The following MEF2C variants were observed in gnomAD, a reference collection of about 807,000 sequenced individuals.
The protein encoded by MEF2C is myocyte-specific enhancer factor 2C.
MEF2C carries 6 observed loss-of-function variants against 50.5 expected under a neutral mutation model. That is an observed-to-expected ratio of 0.12 (90% CI 0.07 to 0.23). MEF2C has a LOEUF of 0.23. Ranked by LOEUF, MEF2C falls within the 10% of genes least tolerant of loss-of-function variation. The probability of loss-of-function intolerance (pLI) is 1.00; values close to 1 mark genes in which losing one functional copy is unlikely to be tolerated. For synonymous variants in MEF2C, 183 were observed against 228.0 expected, an observed-to-expected ratio of 0.80 and a Z score of 1.78; for missense variants, 276 against 605.0, an observed-to-expected ratio of 0.46 and a Z score of 5.70.
intron 6 of MEF2C, chr5:88,741,646 T>C (rs982035273): frequency 5.1e-6 from 5 of 976,050 alleles, no homozygotes; most frequent in East Asian, 1.1e-4. Context: ...TAGTTTTCTC[T>C]TACTACTATA....
At chr5:88,799,038 C>A (rs1432683504) in intron 3 of MEF2C, among the ~76,000 whole-genome samples, 2 of 152,170 alleles carry the variant, frequency 1.3e-5, no homozygotes, top group Non-Finnish European at 1.5e-5. Flanking sequence ...GTGGCACCCA[C>A]CAGTTGCCAG....
chr5:88,876,210 TA>T (rs1003151523), intron 1 of MEF2C, among the ~76,000 whole-genome samples: 3 of 151,722 alleles, frequency 2.0e-5, no homozygotes, highest in African/African-American at 7.3e-5. Context: ...TGTTCAGATA[TA>T]AAAAATGTGG....
At chr5:88,875,596 G>A (rs1162798570) in intron 1 of MEF2C, among the ~76,000 whole-genome samples, 1 of 151,926 alleles carries the variant, frequency 6.6e-6, no homozygotes, top group Non-Finnish European at 1.5e-5. Flanking sequence ...ATTGTTTTAT[G>A]TATTCTAAAC....
At chr5:88,740,321 CT>C (rs879754429) in intron 6 of MEF2C, 290 of 984,572 alleles carry the variant, frequency 2.9e-4, no homozygotes, top group Admixed American at 1.2e-3. Context: ...ACAGCACATA[CT>C]GTGTAAGCTC....
chr5:88,781,560 G>A (rs1297413265), intron 3 of MEF2C, among the ~76,000 whole-genome samples: 1 of 152,208 alleles, frequency 6.6e-6, no homozygotes, highest in Non-Finnish European at 1.5e-5. Flanking sequence ...GCACCACACT[G>A]TCTTTTTTAT....
At chr5:88,846,167 A>T (rs1819272968) in intron 1 of MEF2C, among the ~76,000 whole-genome samples, 1 of 150,680 alleles carries the variant, frequency 6.6e-6, no homozygotes, top group Non-Finnish European at 1.5e-5. Context: ...TCCCGGGTTC[A>T]TGCGATTCTC....
At chr5:88,891,705 C>T (rs1025837507) in intron 1 of MEF2C, among the ~76,000 whole-genome samples, 2 of 152,018 alleles carry the variant, frequency 1.3e-5, no homozygotes, top group African/African-American at 4.8e-5. Flanking sequence ...CCACTGCACC[C>T]GGCCCAAACA....
chr5:88,855,554 A>G (rs771243959), intron 1 of MEF2C, among the ~76,000 whole-genome samples: 3 of 152,116 alleles, frequency 2.0e-5, no homozygotes, highest in Non-Finnish European at 2.9e-5. Context: ...CCCAAATCTC[A>G]TCTTGAATTG....
chr5:88,821,270 G>A (rs1808216852), intron 2 of MEF2C, among the ~76,000 whole-genome samples: 1 of 151,662 alleles, frequency 6.6e-6, no homozygotes, highest in Non-Finnish European at 1.5e-5. Flanking sequence ...TTGTTTGTTT[G>A]TTTTTTGTTT....
At chr5:88,765,455 T>C (rs1358177197) in intron 3 of MEF2C, among the ~76,000 whole-genome samples, 1 of 152,256 alleles carries the variant, frequency 6.6e-6, no homozygotes, top group Non-Finnish European at 1.5e-5. Context: ...TTTATCTTTA[T>C]TATATTAAAA....
intron 6 of MEF2C, chr5:88,740,298 G>A (rs1766038439): frequency 1.0e-6 from 1 of 984,460 alleles, no homozygotes; most frequent in Non-Finnish European, 1.2e-6. Flanking sequence ...ATGAGACAAT[G>A]AGCTTTTAAC....
At chr5:88,871,836 T>C (rs1829607835) in intron 1 of MEF2C, among the ~76,000 whole-genome samples, 1 of 152,078 alleles carries the variant, frequency 6.6e-6, no homozygotes, top group Admixed American at 6.6e-5. Flanking sequence ...TTAAGACAAG[T>C]TCACTTATTC....
At chr5:88,843,344 G>C in intron 1 of MEF2C, 1 of 982,472 alleles carries the variant, frequency 1.0e-6, no homozygotes, top group Non-Finnish European at 1.2e-6. Flanking sequence ...ATTTAAATTT[G>C]GTTCCCCCCA....
intron 3 of MEF2C, among the ~76,000 whole-genome samples, chr5:88,801,406 T>C (rs899551664): frequency 1.3e-5 from 2 of 152,204 alleles, no homozygotes; most frequent in African/African-American, 2.4e-5. Context: ...AAATCCCTGA[T>C]GTATCATAGG....
At chr5:88,736,583 C>G (rs1245842073) in intron 6 of MEF2C, 1 of 964,488 alleles carries the variant, frequency 1.0e-6, no homozygotes, top group Middle Eastern at 5.4e-4. Context: ...GGTTCTTCAC[C>G]AGGCCTTAAG....
At chr5:88,746,276 G>C (rs967636260) in intron 6 of MEF2C, among the ~76,000 whole-genome samples, 1 of 152,148 alleles carries the variant, frequency 6.6e-6, no homozygotes, top group Admixed American at 6.5e-5. Context: ...ATGATGGTAT[G>C]ATGAGAAAAG....
At chr5:88,874,735 TG>T (rs1830549977) in intron 1 of MEF2C, among the ~76,000 whole-genome samples, 1 of 152,000 alleles carries the variant, frequency 6.6e-6, no homozygotes, top group Admixed American at 6.6e-5. Context: ...ACTTAACTGT[TG>T]GTCTAATTTG....
chr5:88,866,877 G>A (rs760806825), intron 1 of MEF2C, among the ~76,000 whole-genome samples: 2 of 152,006 alleles, frequency 1.3e-5, no homozygotes, highest in Non-Finnish European at 2.9e-5. Flanking sequence ...TCATTTATAG[G>A]CTCTGTTATA....
At chr5:88,739,468 T>TA (rs1765554997) in intron 6 of MEF2C, 1 of 963,526 alleles carries the variant, frequency 1.0e-6, no homozygotes, top group Non-Finnish European at 1.2e-6. Flanking sequence ...GTTTTAAGAT[T>TA]AAAAGTTAGT....
Sources: allele counts gnomAD v4.1 joint callset (sites outside exome capture counted in the v4.1 genomes callset), GRCh38; gene constraint gnomAD v4.1.1; transcripts MANE v1.5; gene names NCBI Gene and HGNC (gene_info 2026-07-23, HGNC 2026-07-21).